BTAF1: variants seen among roughly 807,000 people sequenced by gnomAD.
The protein encoded by BTAF1 is B-TFIID TATA-box binding protein associated factor 1.
Under a neutral mutation model 227.1 loss-of-function variants are expected in BTAF1, and 38 were observed. That is an observed-to-expected ratio of 0.17 (90% CI 0.13 to 0.22). The LOEUF is 0.22. Among genes scored for constraint, BTAF1 ranks in the 10% least tolerant of loss-of-function variants. The pLI is 1.00. For synonymous variants in BTAF1, 742 were observed against 751.9 expected (o/e 0.99, Z 0.21); for missense variants, 1,598 against 2,204.0 (o/e 0.73, Z 5.51).
chr10:92,007,071 G>T (rs1037788696), intron 25 of BTAF1, among the ~76,000 whole-genome samples: 17 of 151,220 alleles, frequency 1.1e-4, no homozygotes, highest in African/African-American at 4.1e-4. Flanking sequence ...GGCTAGTTCA[G>T]CTCCTCAACA....
intron 5 of BTAF1, among the ~76,000 whole-genome samples, chr10:91,952,667 G>A (rs1310076400): frequency 6.6e-6 from 1 of 152,008 alleles, no homozygotes; most frequent in Non-Finnish European, 1.5e-5. Context: ...TTTAGGGTTG[G>A]GGGTGTGAGT....
At chr10:91,929,318 A>G (rs756179389) in intron 1 of BTAF1, among the ~76,000 whole-genome samples, 5 of 152,220 alleles carry the variant, frequency 3.3e-5, no homozygotes, top group Non-Finnish European at 7.3e-5. Context: ...TCCCTCAGCG[A>G]TCTGTGCTGT....
chr10:91,932,090 G>A (rs182299563), intron 1 of BTAF1, among the ~76,000 whole-genome samples: 90 of 152,282 alleles, frequency 5.9e-4, no homozygotes, highest in Non-Finnish European at 1.1e-3. Flanking sequence ...AGAATCAAGA[G>A]GAACTGTGTG....
At chr10:91,974,205 G>A (rs1847526258) in intron 14 of BTAF1, among the ~76,000 whole-genome samples, 1 of 152,174 alleles carries the variant, frequency 6.6e-6, no homozygotes, top group South Asian at 2.1e-4. Flanking sequence ...GTGTGTCACT[G>A]CGTTGTAAAG....
In BTAF1 at chr10:91,932,723, A is replaced by G. The variant is rs17107215; in HGVS notation, c.15-2934A>G. Among the ~76,000 whole-genome samples, 1,511 of 152,372 alleles carry G rather than the reference A, an allele frequency of 9.9e-3. 25 individuals are homozygous for G. Among genetic ancestry groups the G allele is most frequent in the African/African-American group, 0.033 (1,362 of 41,588 alleles). ...CAGAAAAGGAAGTAATCTCTGTTGC[A>G]TAGTAGTTTGAAATGGTTTCAAGAA... On this transcript the variant is annotated intron_variant, in intron 1 of 37. Transcript: ENST00000265990.
intron 14 of BTAF1, among the ~76,000 whole-genome samples, chr10:91,971,992 T>C (rs1847339390): frequency 6.6e-6 from 1 of 152,204 alleles, no homozygotes; most frequent in South Asian, 2.1e-4. Context: ...CTAATTTACC[T>C]ACTTCTGCCT....
rs1025550537 is a variant in BTAF1 at position 92,030,677 on chromosome 10, T to C, written c.*1744T>C. ...TCAGATATTTAGGCTGTTTAAACTT[T>C]CTGAGAGTTTAATCAAAAGGTGTGT... On this transcript the variant is annotated 3_prime_UTR_variant, in exon 38 of 38. Coordinates refer to ENST00000265990, the MANE Select transcript of BTAF1 (RefSeq NM_003972.3). Among the ~76,000 whole-genome samples, 6 of 152,166 alleles carry C rather than the reference T, an allele frequency of 3.9e-5. No individual in the cohort carries two copies. Among genetic ancestry groups the C allele is most frequent in the African/African-American group, 1.4e-4 (6 of 41,448 alleles).
At chr10:91,949,659 A>G (rs1845612972) in intron 4 of BTAF1, among the ~76,000 whole-genome samples, 3 of 152,078 alleles carry the variant, frequency 2.0e-5, no homozygotes, top group South Asian at 2.1e-4. Flanking sequence ...CTTTAGCTGC[A>G]TTGTCTGGAG....
chr10:91,991,795 G>A (rs61876488), intron 20 of BTAF1, among the ~76,000 whole-genome samples: 696 of 5,256 alleles, frequency 0.13, 4 homozygotes, highest in African/African-American at 0.18. Context: ...GTGTGTGTGT[G>A]TGTATATATA....
At chr10:91,962,132 G>A (rs1846567169) in intron 11 of BTAF1, among the ~76,000 whole-genome samples, 1 of 152,094 alleles carries the variant, frequency 6.6e-6, no homozygotes, top group Admixed American at 6.5e-5. Context: ...AGTCAATGAT[G>A]GGCCACATAT....
intron 4 of BTAF1, 32 bp downstream of exon 4, chr10:91,942,600 A>G (rs1321571943): frequency 6.2e-7 from 1 of 1,609,496 alleles, no homozygotes; most frequent in Admixed American, 1.7e-5. Context: ...AAAGTCTAAA[A>G]TTTGTTTTTT....
intron 3 of BTAF1, among the ~76,000 whole-genome samples, chr10:91,942,194 G>A (rs1001294683): frequency 6.6e-6 from 1 of 152,050 alleles, no homozygotes; most frequent in Non-Finnish European, 1.5e-5. Context: ...TGAGGCAGAA[G>A]AAGTCCTTGA....
intron 25 of BTAF1, among the ~76,000 whole-genome samples, chr10:91,999,961 G>A (rs1436968484): frequency 6.6e-6 from 1 of 152,118 alleles, no homozygotes; most frequent in Non-Finnish European, 1.5e-5. Flanking sequence ...GAGAGAGAAG[G>A]TTATGATTGG....
chr10:91,930,447 A>G (rs1844194743), intron 1 of BTAF1, among the ~76,000 whole-genome samples: 1 of 152,218 alleles, frequency 6.6e-6, no homozygotes, highest in Non-Finnish European at 1.5e-5. Flanking sequence ...TTTATGGTCC[A>G]GGGTAGAGTG....
chr10:91,932,728 A>G (rs1047163299), intron 1 of BTAF1, among the ~76,000 whole-genome samples: 2 of 152,260 alleles, frequency 1.3e-5, no homozygotes, highest in Non-Finnish European at 2.9e-5. Flanking sequence ...GTTGCATAGT[A>G]GTTTGAAATG....
chr10:92,005,948 T>C (rs1327306650), intron 25 of BTAF1, among the ~76,000 whole-genome samples: 1 of 151,894 alleles, frequency 6.6e-6, no homozygotes, highest in Admixed American at 6.6e-5. Context: ...CACAGCTCAC[T>C]GCAGCCTCAG....
intron 14 of BTAF1, among the ~76,000 whole-genome samples, chr10:91,968,832 C>T (rs553609994): frequency 1.3e-5 from 2 of 152,098 alleles, no homozygotes; most frequent in Non-Finnish European, 2.9e-5. Flanking sequence ...CCATCTACCT[C>T]TCATCTTCGG....
Position 91,984,360 on chromosome 10 carries a change from C to A in BTAF1, c.2383C>A (p.Arg795=). 6.2e-7 allele frequency: 1 copy of A among 1,612,714 alleles called. No individual in the cohort carries two copies. The highest frequency in any genetic ancestry group is 8.5e-7 in the Non-Finnish European group (1 of 1,179,514). The stretch of plus-strand genomic sequence containing the variant: ...TGATGTACATATTGAAGTTGGTAAT[C>A]GAGTAAACAACAATGTTTTAACAAT... ...LADVHIEVGN[R]VNNNVLTIDQ... The change falls in exon 19 of 38, where the codon CGA becomes AGA. Residue 795 remains arginine, a synonymous_variant. Coordinates refer to ENST00000265990, the MANE Select transcript of BTAF1 (RefSeq NM_003972.3).
chr10:91,966,962 A>T (rs1022079146), intron 14 of BTAF1, among the ~76,000 whole-genome samples: 1 of 152,194 alleles, frequency 6.6e-6, no homozygotes, highest in African/African-American at 2.4e-5. Context: ...TCACCACTTG[A>T]AATCATGCTT....
Sources: gnomAD v4.1 joint callset for allele counts (sites outside exome capture counted in the v4.1 genomes callset) on GRCh38, gnomAD v4.1.1 for gene constraint, MANE v1.5 for transcripts, NCBI Gene and HGNC (gene_info 2026-07-23, HGNC 2026-07-21) for gene names.